Variants in TAS2R1 observed in about 807,000 individuals in gnomAD.
TAS2R1 encodes taste receptor type 2 member 1.
For synonymous variants in TAS2R1, 141 were observed against 134.2 expected (o/e 1.05, Z -0.35); for missense variants, 370 against 353.4 (o/e 1.05, Z -0.38).
the TAS2R1 span, among the ~76,000 whole-genome samples, chr5:9,756,360 TTAGAG>T: frequency 6.6e-6 from 1 of 152,212 alleles, no homozygotes; most frequent in Non-Finnish European, 1.5e-5. Flanking sequence ...ACAATTCCCA[TTAGAG>T]TATAGAGAAT....
chr5:9,682,365 G>T (rs1311845331), intron 1 of TAS2R1, among the ~76,000 whole-genome samples: 1 of 152,182 alleles, frequency 6.6e-6, no homozygotes, highest in Non-Finnish European at 1.5e-5. Context: ...CCCTTTGGGG[G>T]TGGGGATCTG....
intron 1 of TAS2R1, among the ~76,000 whole-genome samples, chr5:9,665,251 CCT>C (rs1400023266): frequency 2.0e-5 from 3 of 152,216 alleles, no homozygotes; most frequent in Non-Finnish European, 4.4e-5. Flanking sequence ...TCTCTGGCTT[CCT>C]CTCTCTGCTT....
chr5:9,810,669 G>T, the TAS2R1 span, among the ~76,000 whole-genome samples: 17 of 152,126 alleles, frequency 1.1e-4, no homozygotes, highest in Non-Finnish European at 8.8e-5. Context: ...GCCCCTGGAA[G>T]TGAGGTGCTA....
chr5:9,756,592 A>G, the TAS2R1 span, among the ~76,000 whole-genome samples: 8 of 152,358 alleles, frequency 5.3e-5, no homozygotes, highest in African/African-American at 1.9e-4. Context: ...TACATAGCAC[A>G]TAAAACAAAA....
chr5:9,834,099 T>C, the TAS2R1 span, among the ~76,000 whole-genome samples: 3 of 152,248 alleles, frequency 2.0e-5, no homozygotes, highest in African/African-American at 7.2e-5. Flanking sequence ...TTCCAGGCCC[T>C]ACCTGGAAGA....
the TAS2R1 span, among the ~76,000 whole-genome samples, chr5:9,805,763 A>G: frequency 6.6e-6 from 1 of 152,178 alleles, no homozygotes; most frequent in Non-Finnish European, 1.5e-5. Context: ...AATAAAAGCC[A>G]TCTATGACAA....
chr5:9,822,695 C>T, the TAS2R1 span, among the ~76,000 whole-genome samples: 1 of 152,106 alleles, frequency 6.6e-6, no homozygotes, highest in South Asian at 2.1e-4. Context: ...GTTATATGTA[C>T]ATATGTCCTT....
the TAS2R1 span, among the ~76,000 whole-genome samples, chr5:9,825,693 C>G: frequency 6.6e-6 from 1 of 152,172 alleles, no homozygotes; most frequent in Non-Finnish European, 1.5e-5. Flanking sequence ...ATTTTTCAGG[C>G]TTTTTCTTTT....
intron 1 of TAS2R1, among the ~76,000 whole-genome samples, chr5:9,696,017 G>C (rs1741348158): frequency 6.6e-6 from 1 of 152,132 alleles, no homozygotes; most frequent in African/African-American, 2.4e-5. Context: ...AGACAGGCAA[G>C]ACAGAAAATA....
chr5:9,642,762 C>T (rs1393045338), intron 2 of TAS2R1, among the ~76,000 whole-genome samples: 1 of 152,062 alleles, frequency 6.6e-6, no homozygotes. Context: ...TTTAAGTCTT[C>T]CACATAAAGA....
the TAS2R1 span, among the ~76,000 whole-genome samples, chr5:9,840,864 T>C: frequency 1.9e-5 from 1 of 51,468 alleles, no homozygotes; most frequent in Non-Finnish European, 3.0e-5. Context: ...TTTATTTTTT[T>C]TTTTTTTTTT....
chr5:9,852,073 C>T, the TAS2R1 span, among the ~76,000 whole-genome samples: 3,296 of 152,204 alleles, frequency 0.022, 103 homozygotes, highest in African/African-American at 0.072. Flanking sequence ...CTGGATGTTT[C>T]ATTTATTAAA....
the TAS2R1 span, among the ~76,000 whole-genome samples, chr5:9,888,227 C>G: frequency 1.3e-5 from 2 of 152,168 alleles, no homozygotes; most frequent in African/African-American, 4.8e-5. Flanking sequence ...CTGCTCAGCC[C>G]TCTCACGGGA....
At chr5:9,706,551 A>G (rs747400307) in intron 1 of TAS2R1, among the ~76,000 whole-genome samples, 6 of 152,240 alleles carry the variant, frequency 3.9e-5, no homozygotes, top group Non-Finnish European at 8.8e-5. Flanking sequence ...TCCATGCTCC[A>G]GGAAACAATG....
the TAS2R1 span, among the ~76,000 whole-genome samples, chr5:9,768,530 TCTC>T: frequency 6.6e-6 from 1 of 152,040 alleles, no homozygotes; most frequent in Non-Finnish European, 1.5e-5. Context: ...CTTAAACACT[TCTC>T]CTCCACCAGT....
the TAS2R1 span, among the ~76,000 whole-genome samples, chr5:9,828,928 G>T: frequency 6.6e-6 from 1 of 152,208 alleles, no homozygotes; most frequent in Non-Finnish European, 1.5e-5. Context: ...ACTTCAGGTT[G>T]GTGGAGAAGA....
chr5:9,830,044 C>G, the TAS2R1 span, among the ~76,000 whole-genome samples: 1 of 152,146 alleles, frequency 6.6e-6, no homozygotes, highest in Non-Finnish European at 1.5e-5. Context: ...TAAAGCTGCT[C>G]CCACAGCAGG....
At chr5:9,784,375 C>A in the TAS2R1 span, among the ~76,000 whole-genome samples, 1 of 152,102 alleles carries the variant, frequency 6.6e-6, no homozygotes, top group African/African-American at 2.4e-5. Flanking sequence ...GGTCCATATG[C>A]CAGAAAATAC....
At chr5:9,734,512 T>A in the TAS2R1 span, among the ~76,000 whole-genome samples, 1 of 152,072 alleles carries the variant, frequency 6.6e-6, no homozygotes, top group Non-Finnish European at 1.5e-5. Context: ...AAGAGGTTTT[T>A]TTGCCAATGT....
Sources: allele counts gnomAD v4.1 joint callset (sites outside exome capture counted in the v4.1 genomes callset), GRCh38; gene constraint gnomAD v4.1.1; transcripts MANE v1.5; gene names NCBI Gene and HGNC (gene_info 2026-07-23, HGNC 2026-07-21).